The following FARP1 variants were observed in gnomAD, a reference collection of about 807,000 sequenced individuals.
The protein encoded by FARP1 is FERM, ARHGEF and pleckstrin domain-containing protein 1.
FARP1 carries 52 observed loss-of-function variants against 128.8 expected under a neutral mutation model. That is an observed-to-expected ratio of 0.40 (90% CI 0.32 to 0.51). The LOEUF (loss-of-function observed/expected upper bound fraction) is 0.51. Among genes scored for constraint, FARP1 ranks in the 20% least tolerant of loss-of-function variants. FARP1 has a pLI of 0.45. For synonymous variants in FARP1, 580 were observed against 551.8 expected (o/e 1.05, Z -0.72); for missense variants, 1,333 against 1,367.9 (o/e 0.97, Z 0.40).
At position 98,188,805 on chromosome 13, in the gene FARP1, C is replaced by CG. The variant is rs948274165; in HGVS notation, c.-23-24409dup. Among the ~76,000 whole-genome samples the CG allele has an allele frequency of 3.0e-4, 45 of 152,246 alleles. 2 individuals are homozygous for CG. In the South Asian group the frequency reaches 8.1e-3, roughly 27 times the overall value. The stretch of plus-strand genomic sequence containing the variant: ...TGCGAAGTCCTCCTTCAGAAGTGTT[C>CG]GGGGGGTGAAACGGGGACGCATGTC... On this transcript the variant is annotated intron_variant, in intron 1 of 26. Transcript: ENST00000319562.
intron 2 of FARP1, among the ~76,000 whole-genome samples, chr13:98,239,708 G>A (rs1882651099): frequency 6.6e-6 from 1 of 152,106 alleles, no homozygotes; most frequent in Non-Finnish European, 1.5e-5. Context: ...GCCACTGAGT[G>A]GCGGGTGGCA....
At chr13:98,161,911 C>A (rs547041167) in intron 1 of FARP1, among the ~76,000 whole-genome samples, 1 of 152,110 alleles carries the variant, frequency 6.6e-6, no homozygotes, top group East Asian at 1.9e-4. Context: ...TCTTAAGTAG[C>A]TGGGACTACA....
At chr13:98,289,144 T>C (rs547979585) in intron 2 of FARP1, among the ~76,000 whole-genome samples, 2 of 152,358 alleles carry the variant, frequency 1.3e-5, no homozygotes, top group East Asian at 3.9e-4. Context: ...ATTAGTCCTA[T>C]GCCAAGACTT....
chr13:98,330,353 T>G (rs531231983), intron 2 of FARP1, among the ~76,000 whole-genome samples: 2 of 152,326 alleles, frequency 1.3e-5, no homozygotes, highest in South Asian at 4.1e-4. Flanking sequence ...GATGATTGTT[T>G]CTGATAAAGC....
At chr13:98,349,393 C>T (rs1455978637) in intron 3 of FARP1, among the ~76,000 whole-genome samples, 1 of 152,112 alleles carries the variant, frequency 6.6e-6, no homozygotes, top group Non-Finnish European at 1.5e-5. Context: ...GACATTGTGG[C>T]TGGGTGGGTG....
intron 1 of FARP1, among the ~76,000 whole-genome samples, chr13:98,171,009 A>G (rs1877616058): frequency 6.6e-6 from 1 of 152,196 alleles, no homozygotes; most frequent in South Asian, 2.1e-4. Flanking sequence ...AAATCCTCAA[A>G]TATCAGTATA....
intron 2 of FARP1, among the ~76,000 whole-genome samples, chr13:98,312,179 C>T (rs1347962874): frequency 2.3e-5 from 3 of 132,032 alleles, no homozygotes; most frequent in African/African-American, 5.8e-5. Flanking sequence ...CTCGCTCTGT[C>T]GCCCAGGCTG....
intron 24 of FARP1, among the ~76,000 whole-genome samples, chr13:98,443,346 G>T (rs113506354): frequency 0.016 from 2,368 of 152,320 alleles, 69 homozygotes; most frequent in African/African-American, 0.053. Context: ...TCACTTTGCA[G>T]ATGTCCCTCC....
chr13:98,351,073 G>A (rs1288356864), intron 3 of FARP1, among the ~76,000 whole-genome samples: 23 of 113,466 alleles, frequency 2.0e-4, no homozygotes, highest in African/African-American at 9.3e-4. Flanking sequence ...GCCCAGCCTC[G>A]CCTCCCCACA....
Position 98,396,464 on chromosome 13 carries a change from AGTGAGGAACAGGAGGAGGATG to A in FARP1, c.1414+989_1414+1009del, listed in dbSNP as rs1890554049. ...TTGAGTGAGGAACAGGAGGAGGATGAGTGAGGAACAGGAGGAGGATGAGTGAGGAGGCCAGGAGCCAAGTCT... is the reference window on the plus strand; with the variant it reads ...TTGAGTGAGGAACAGGAGGAGGATGAAGTGAGGAGGCCAGGAGCCAAGTCT... On this transcript the variant is annotated intron_variant, in intron 13 of 26. Transcript: ENST00000319562. 43 of 382,038 alleles carry A rather than the reference AGTGAGGAACAGGAGGAGGATG, an allele frequency of 1.1e-4. No individual in the cohort carries two copies. In the South Asian group the frequency reaches 5.2e-3, roughly 46 times the overall value. The allele number at this position is 382,038 out of a possible 1,614,324, so 23.7% of individuals were successfully genotyped here.
At chr13:98,310,744 C>T (rs1886421840) in intron 2 of FARP1, among the ~76,000 whole-genome samples, 1 of 152,038 alleles carries the variant, frequency 6.6e-6, no homozygotes, top group Admixed American at 6.5e-5. Flanking sequence ...TAACTTTATC[C>T]CCTAAGAAAG....
intron 2 of FARP1, among the ~76,000 whole-genome samples, chr13:98,287,974 G>A (rs903846921): frequency 1.3e-4 from 19 of 151,948 alleles, no homozygotes; most frequent in African/African-American, 4.6e-4. Flanking sequence ...GCTAATTTTT[G>A]TAATTTTAGT....
chr13:98,175,541 T>C (rs1877945497), intron 1 of FARP1, among the ~76,000 whole-genome samples: 3 of 152,002 alleles, frequency 2.0e-5, no homozygotes, highest in South Asian at 4.1e-4. Context: ...AAATTAATTA[T>C]AGTACAAAAC....
At chr13:98,424,777 T>C (rs1358390808) in intron 17 of FARP1, 127 bp downstream of exon 17, 4 of 701,416 alleles carry the variant, frequency 5.7e-6, no homozygotes, top group Non-Finnish European at 1.0e-5. Flanking sequence ...ACACCAAGCT[T>C]GTCCAACCCA....
At position 98,176,642 on chromosome 13, in the gene FARP1, A is replaced by T. The variant is rs1246899764; in HGVS notation, c.-24+33150A>T. On this transcript the variant is annotated intron_variant, in intron 1 of 26. Coordinates refer to ENST00000319562, the MANE Select transcript of FARP1 (RefSeq NM_005766.4). The surrounding 1 kb of genome is among the most constrained non-coding windows in gnomAD (Gnocchi z 6.2). ...AAGCCACAGAAGCCAGTCTCCTTGT[A>T]GTCCTTGCAGATGTCAGGCTGGTAA... 6 of 1,614,088 alleles carry T rather than the reference A, an allele frequency of 3.7e-6. No homozygotes were observed.
At chr13:98,188,989 C>T (rs1381470285) in intron 1 of FARP1, among the ~76,000 whole-genome samples, 1 of 152,166 alleles carries the variant, frequency 6.6e-6, no homozygotes, top group East Asian at 1.9e-4. Flanking sequence ...CATGAAGGCT[C>T]GCCAGCTCCA....
intron 26 of FARP1, chr13:98,447,086 GGAT>G: frequency 2.5e-6 from 1 of 400,462 alleles, no homozygotes; most frequent in Non-Finnish European, 4.6e-6. Flanking sequence ...AACGTGTCCG[GGAT>G]GATGAAGCTA....
chr13:98,436,252 T>C lies in FARP1; in HGVS notation c.2274+546T>C, dbSNP rs183997095. On this transcript the variant is annotated intron_variant, in intron 19 of 26. Coordinates refer to ENST00000319562, the MANE Select transcript of FARP1 (RefSeq NM_005766.4). Reference sequence around the variant, plus strand: ...TGTCGCCTACCCCTCCCCAGCCCCCTGCCTGAGATGCAGGTGATTCCTACT... The same window carrying C: ...TGTCGCCTACCCCTCCCCAGCCCCCCGCCTGAGATGCAGGTGATTCCTACT... Among the ~76,000 whole-genome samples the C allele has an allele frequency of 2.6e-4, 39 of 152,268 alleles. No individual in the cohort carries two copies. In the South Asian group the frequency reaches 7.9e-3, roughly 31 times the overall value.
chr13:98,412,058 C>T, intron 16 of FARP1, 24 bp downstream of exon 16: 1 of 1,607,472 alleles, frequency 6.2e-7, no homozygotes, highest in Middle Eastern at 1.7e-4. Flanking sequence ...TACTTCCCAG[C>T]TACGTTCCTC....
Sources: gnomAD v4.1 joint callset for allele counts (sites outside exome capture counted in the v4.1 genomes callset) on GRCh38, gnomAD v4.1.1 for gene constraint, Gnocchi (gnomAD v3.1) non-coding constraint, MANE v1.5 for transcripts, NCBI Gene and HGNC (gene_info 2026-07-23, HGNC 2026-07-21) for gene names.